DICER1: variants seen among roughly 807,000 people sequenced by gnomAD.
DICER1 encodes endoribonuclease Dicer.
Under a neutral mutation model 194.1 loss-of-function variants are expected in DICER1, and 43 were observed. That is an observed-to-expected ratio of 0.22 (90% CI 0.17 to 0.29). The LOEUF (loss-of-function observed/expected upper bound fraction) is 0.29, where lower values mean the gene tolerates loss of function less well. Ranked by LOEUF, DICER1 falls within the 10% of genes least tolerant of loss-of-function variation. DICER1 has a pLI of 1.00. For synonymous variants in DICER1, 832 were observed against 820.5 expected, an observed-to-expected ratio of 1.01 and a Z score of -0.24; for missense variants, 1,608 against 2,317.0, an observed-to-expected ratio of 0.69 and a Z score of 6.28.
chr14:95,128,094 T>C (rs1201565833), intron 6 of DICER1, among the ~76,000 whole-genome samples: 5 of 152,236 alleles, frequency 3.3e-5, no homozygotes, highest in Admixed American at 6.5e-5. Context: ...TCTAATATCA[T>C]TCCTTGGGTC....
At position 95,095,819 on chromosome 14, in the gene DICER1, C is replaced by T. The variant is rs760384855; in HGVS notation, c.5095+6G>A. On this transcript the variant is annotated splice_donor_region_variant and intron_variant, in intron 23 of 26. Coordinates refer to ENST00000343455, the MANE Select transcript of DICER1 (RefSeq NM_177438.3). Reference sequence around the variant, plus strand: ...CAGAAATGAAGTCTGGTCGTGGGCTCCTTACCAGTGATAGTATTGTAGTGG... The same window carrying T: ...CAGAAATGAAGTCTGGTCGTGGGCTTCTTACCAGTGATAGTATTGTAGTGG... The T allele has an allele frequency of 4.7e-5, 76 of 1,613,850 alleles. No individual in the cohort carries two copies. The highest frequency in any genetic ancestry group is 6.2e-5 in the Non-Finnish European group (73 of 1,179,976).
intron 15 of DICER1, 110 bp downstream of exon 15, chr14:95,108,214 T>TA (rs764683229): frequency 8.1e-5 from 107 of 1,325,950 alleles, no homozygotes; most frequent in Non-Finnish European, 1.1e-4. Context: ...CCTCGATCTT[T>TA]AAATATTAAA....
Position 95,153,552 on chromosome 14 carries a change from T to C in DICER1, c.-46+3678A>G, listed in dbSNP as rs186092405. On this transcript the variant is annotated intron_variant, in intron 1 of 26. Coordinates refer to ENST00000343455, the MANE Select transcript of DICER1 (RefSeq NM_177438.3). ...TTATTTAATGTAATAATCCAAAAGA[T>C]TGATTATTCTTCATACAAGAGAAAA... is the stretch of plus-strand genomic sequence containing the variant. Among the ~76,000 whole-genome samples the C allele has an allele frequency of 2.9e-3, 438 of 150,774 alleles. 2 individuals are homozygous for C. Among genetic ancestry groups the C allele is most frequent in the African/African-American group, 0.01 (414 of 40,108 alleles).
rs1277795885 is a variant in DICER1 at position 95,105,959 on chromosome 14, G to T, written c.2987+82C>A. On this transcript the variant is annotated intron_variant, in intron 18 of 26. Coordinates refer to ENST00000343455, the MANE Select transcript of DICER1 (RefSeq NM_177438.3). The surrounding 1 kb of genome is among the most constrained non-coding windows in gnomAD (Gnocchi z 4.9). The stretch of plus-strand genomic sequence containing the variant: ...CAGATAGTCCACGGGTGGGCAGGGG[G>T]ACAGTGAACCTCTGCATGTCTAGTG... 1.3e-6 allele frequency: 2 copies of T among 1,494,674 alleles called. No homozygotes were observed. The highest frequency in any genetic ancestry group is 1.7e-5 in the Admixed American group (1 of 59,880). 92.6% of individuals were successfully genotyped at this position (1,494,674 alleles called of 1,614,324 possible).
intron 1 of DICER1, chr14:95,136,839 G>A (rs1368951377): frequency 6.6e-6 from 1 of 152,164 alleles, no homozygotes; most frequent in African/African-American, 2.4e-5. Context: ...AAAGAACCTG[G>A]GTCATTGATG....
chr14:95,090,931 A>C lies in DICER1; in HGVS notation c.5603+103T>G, dbSNP rs192058467. 289 of 1,137,824 alleles carry C rather than the reference A, an allele frequency of 2.5e-4. No homozygotes were observed. The African/African-American group carries it at 3.8e-3, about 15-fold the overall frequency. 70.5% of individuals were successfully genotyped at this position (1,137,824 alleles called of 1,614,324 possible). A position where few individuals can be genotyped will look rare whatever the true frequency, so the allele number is the denominator to read the frequency against. On this transcript the variant is annotated intron_variant, in intron 26 of 26. Transcript: ENST00000343455. The stretch of plus-strand genomic sequence containing the variant: ...CAGAAATCTGACAACAGCACACCAC[A>C]GTGTAAATATTTTTCAGAATCATTA...
In DICER1 at chr14:95,124,586, A is replaced by C; in HGVS notation, c.986T>G (p.Leu329Arg). The C allele has an allele frequency of 6.2e-7, 1 of 1,613,844 alleles. No individual in the cohort carries two copies. Among genetic ancestry groups the C allele is most frequent in the Non-Finnish European group, 8.5e-7 (1 of 1,180,034 alleles). Residue 329 changes from leucine (L) to arginine (R), a missense_variant, in exon 8 of 27, where the codon CTA (leucine) becomes CGA (arginine). Leu to Arg is a moderately radical substitution (Grantham distance 102). Around this residue, in one of 10 missense-constraint regions of DICER1, gnomAD observed 657 missense variants for 910.1 expected, o/e 0.72. Coordinates refer to ENST00000343455, the MANE Select transcript of DICER1 (RefSeq NM_177438.3). The surrounding 1 kb of genome is among the most constrained non-coding windows in gnomAD (Gnocchi z 4.5). ...TTGCTCATGTTTGATGTATTTCTGTAGTTCTCTTACCATCATTCCAGCTAC... is the reference window on the plus strand; with the variant it reads ...TTGCTCATGTTTGATGTATTTCTGTCGTTCTCTTACCATCATTCCAGCTAC... Reference protein sequence around the residue: ...DKVAGMMVRELQKYIKHEQEE... With the variant: ...DKVAGMMVRERQKYIKHEQEE...
At chr14:95,101,819 G>C (rs868611922) in intron 21 of DICER1, among the ~76,000 whole-genome samples, 1 of 152,174 alleles carries the variant, frequency 6.6e-6, no homozygotes, top group Non-Finnish European at 1.5e-5. Flanking sequence ...CTCTTTCCCA[G>C]AGGCTTAGAG....
chr14:95,127,258 C>G (rs1008325842), intron 6 of DICER1, among the ~76,000 whole-genome samples: 1 of 152,180 alleles, frequency 6.6e-6, no homozygotes, highest in Non-Finnish European at 1.5e-5. Flanking sequence ...GCATTATGAT[C>G]CATTTATAGG....
At position 95,124,161 on chromosome 14, in the gene DICER1, G is replaced by T. The variant is rs369842891; in HGVS notation, c.1376+35C>A. 1 of 1,516,222 alleles carries T rather than the reference G, an allele frequency of 6.6e-7. No homozygotes were observed. The highest frequency in any genetic ancestry group is 9.1e-7 in the Non-Finnish European group (1 of 1,094,316). 93.9% of individuals were successfully genotyped at this position (1,516,222 alleles called of 1,614,324 possible). On this transcript the variant is annotated intron_variant, in intron 8 of 26. Transcript: ENST00000343455. The surrounding 1 kb of genome is among the most constrained non-coding windows in gnomAD (Gnocchi z 4.5). ...ACATCACAACACAGGACGCCTCCCT[G>T]TTCTCATGTGAAAGGAGTCAACTTA... is the stretch of plus-strand genomic sequence containing the variant.
chr14:95,157,707 G>C (rs572262415), upstream of DICER1: 1 of 152,334 alleles, frequency 6.6e-6, no homozygotes, highest in Non-Finnish European at 1.5e-5. Flanking sequence ...GCGGCCCAGC[G>C]CCTGGACTGG....
Position 95,112,258 on chromosome 14 carries a change from CA to C in DICER1, c.2041-12del, listed in dbSNP as rs764908139. ...GCTCATTGGTGGACCCTGAAAATAACAAAAACCTTTCCATTATATATGCACA... is the reference window on the plus strand; with the variant it reads ...GCTCATTGGTGGACCCTGAAAATAACAAAACCTTTCCATTATATATGCACA... On this transcript the variant is annotated splice_polypyrimidine_tract_variant and intron_variant, in intron 12 of 26. Transcript: ENST00000343455. The C allele has an allele frequency of 2.5e-6, 4 of 1,613,046 alleles. No individual in the cohort carries two copies. The South Asian group carries it at 4.4e-5, about 18-fold the overall frequency.
intron 22 of DICER1, among the ~76,000 whole-genome samples, chr14:95,099,467 C>T (rs1890660518): frequency 6.6e-6 from 1 of 151,694 alleles, no homozygotes; most frequent in South Asian, 2.1e-4. Flanking sequence ...GTAATAACAG[C>T]AAAGTGAAAT....
At chr14:95,150,956 T>A (rs1337250582) in intron 1 of DICER1, among the ~76,000 whole-genome samples, 1 of 152,172 alleles carries the variant, frequency 6.6e-6, no homozygotes, top group Non-Finnish European at 1.5e-5. Flanking sequence ...CTCAAACTCT[T>A]AGGTTCTAGA....
chr14:95,118,839 G>C (rs1892711848), intron 8 of DICER1, among the ~76,000 whole-genome samples: 1 of 151,354 alleles, frequency 6.6e-6, no homozygotes, highest in Non-Finnish European at 1.5e-5. Flanking sequence ...TAATAATAAA[G>C]AGCTGGAAGT....
intron 6 of DICER1, among the ~76,000 whole-genome samples, chr14:95,128,514 C>A (rs757236973): frequency 3.3e-5 from 5 of 152,194 alleles, no homozygotes; most frequent in Non-Finnish European, 7.3e-5. Context: ...TGATAGATCC[C>A]AAATATTACC....
intron 21 of DICER1, among the ~76,000 whole-genome samples, chr14:95,101,385 A>G (rs1012404286): frequency 3.3e-5 from 5 of 152,184 alleles, no homozygotes; most frequent in African/African-American, 1.2e-4. Flanking sequence ...CTTGTCTAAC[A>G]GAGTATCCTA....
Position 95,091,377 on chromosome 14 carries a change from G to A in DICER1, c.5365-12C>T, listed in dbSNP as rs2139780527. The stretch of plus-strand genomic sequence containing the variant: ...TCAGATCTCCTAAGCTATTACAGAG[G>A]GAAAAGTGACTTGTAAGCAAAAAGG... On this transcript the variant is annotated splice_polypyrimidine_tract_variant and intron_variant, in intron 24 of 26. Coordinates refer to ENST00000343455, the MANE Select transcript of DICER1 (RefSeq NM_177438.3). 1.2e-6 allele frequency: 2 copies of A among 1,613,780 alleles called. No homozygotes were observed. The highest frequency in any genetic ancestry group is 1.1e-5 in the South Asian group (1 of 91,052).
At chr14:95,091,672 A>G (rs1390097467) in intron 24 of DICER1, among the ~76,000 whole-genome samples, 1 of 152,232 alleles carries the variant, frequency 6.6e-6, no homozygotes, top group Non-Finnish European at 1.5e-5. Context: ...AATAGTCAAT[A>G]AAAGTATGAA....
Sources: allele counts gnomAD v4.1 joint callset (sites outside exome capture counted in the v4.1 genomes callset), GRCh38; gene constraint gnomAD v4.1.1; regional missense constraint gnomAD v4.1.1; non-coding constraint Gnocchi (gnomAD v3.1); transcripts MANE v1.5; gene names NCBI Gene and HGNC (gene_info 2026-07-23, HGNC 2026-07-21).